The following SMYD3 variants were observed in gnomAD, a reference collection of about 807,000 sequenced individuals.
SMYD3 encodes SET and MYND domain containing 3.
Under a neutral mutation model 57.7 loss-of-function variants are expected in SMYD3, and 36 were observed. The observed-to-expected ratio is 0.62, with a 90% CI of 0.48 to 0.82. The LOEUF is 0.82. SMYD3 is among the 40% of genes least tolerant of loss of function. The pLI, the probability that SMYD3 is intolerant of heterozygous loss-of-function variation, is 0.00. For synonymous variants in SMYD3, 211 were observed against 195.0 expected (o/e 1.08, Z -0.68); for missense variants, 515 against 538.8 (o/e 0.96, Z 0.44).
intron 5 of SMYD3, among the ~76,000 whole-genome samples, chr1:246,239,145 C>T (rs556355141): frequency 4.8e-4 from 73 of 152,132 alleles, no homozygotes; most frequent in Non-Finnish European, 8.8e-4. Flanking sequence ...ATGTGCACAA[C>T]GTGCAGGTTT....
At chr1:246,117,333 A>G (rs967600466) in intron 5 of SMYD3, among the ~76,000 whole-genome samples, 5 of 152,188 alleles carry the variant, frequency 3.3e-5, no homozygotes, top group African/African-American at 4.8e-5. Flanking sequence ...GAAGGAACCA[A>G]CACAGATGTG....
At chr1:245,814,748 C>A (rs75089036) in intron 10 of SMYD3, among the ~76,000 whole-genome samples, 4,225 of 152,196 alleles carry the variant, frequency 0.028, 203 homozygotes, top group African/African-American at 0.095. Context: ...GAATTCCCAG[C>A]AGACCTGTTT....
intron 5 of SMYD3, among the ~76,000 whole-genome samples, chr1:246,016,380 C>T (rs1386897510): frequency 2.6e-5 from 4 of 151,998 alleles, no homozygotes; most frequent in Admixed American, 6.6e-5. Flanking sequence ...GTCAGGAGTT[C>T]AGGACCAGCT....
intron 10 of SMYD3, among the ~76,000 whole-genome samples, chr1:245,854,641 T>G (rs1178319138): frequency 6.6e-6 from 1 of 152,114 alleles, no homozygotes; most frequent in African/African-American, 2.4e-5. Context: ...GACCTTTGGC[T>G]TGGCTTCCCT....
chr1:246,411,229 C>T (rs1483745487), intron 1 of SMYD3, among the ~76,000 whole-genome samples: 1 of 152,144 alleles, frequency 6.6e-6, no homozygotes, highest in Non-Finnish European at 1.5e-5. Context: ...AAAAAATGCT[C>T]ATCATCACTG....
chr1:245,944,343 C>T (rs576602301), intron 5 of SMYD3, among the ~76,000 whole-genome samples: 3 of 152,212 alleles, frequency 2.0e-5, no homozygotes, highest in African/African-American at 7.2e-5. Flanking sequence ...CATTCCTATA[C>T]ACCAACAGAC....
At chr1:245,759,965 A>G (rs2045774977) in intron 11 of SMYD3, among the ~76,000 whole-genome samples, 1 of 152,230 alleles carries the variant, frequency 6.6e-6, no homozygotes, top group African/African-American at 2.4e-5. Flanking sequence ...AATTAGTAGC[A>G]AACAAAAGCC....
intron 8 of SMYD3, among the ~76,000 whole-genome samples, chr1:245,902,111 T>C (rs2054225927): frequency 6.6e-6 from 1 of 152,124 alleles, no homozygotes; most frequent in Non-Finnish European, 1.5e-5. Context: ...GGAATGCCAC[T>C]GATATTCCCC....
intron 5 of SMYD3, among the ~76,000 whole-genome samples, chr1:246,061,594 G>A (rs916951796): frequency 7.2e-5 from 11 of 151,920 alleles, no homozygotes; most frequent in African/African-American, 2.7e-4. Context: ...GCTAGTCATG[G>A]TAGTGCATGC....
intron 5 of SMYD3, among the ~76,000 whole-genome samples, chr1:246,283,223 C>T (rs1451824337): frequency 1.3e-5 from 2 of 152,234 alleles, no homozygotes; most frequent in Non-Finnish European, 2.9e-5. Context: ...TAATCTTGGG[C>T]ATGTCATCTA....
chr1:246,033,733 G>C (rs539630064), intron 5 of SMYD3, among the ~76,000 whole-genome samples: 2 of 152,250 alleles, frequency 1.3e-5, no homozygotes, highest in African/African-American at 4.8e-5. Context: ...GTTGCAGTGA[G>C]CCAAGATCAC....
At chr1:246,450,897 C>A (rs1308734082) in intron 1 of SMYD3, among the ~76,000 whole-genome samples, 5 of 151,892 alleles carry the variant, frequency 3.3e-5, no homozygotes, top group Admixed American at 3.3e-4. Context: ...TATAAGCAAA[C>A]AATTAGTGAC....
At chr1:246,485,615 C>T (rs191636578) in intron 1 of SMYD3, among the ~76,000 whole-genome samples, 2 of 151,608 alleles carry the variant, frequency 1.3e-5, no homozygotes, top group Admixed American at 6.6e-5. Context: ...GACCCCCCCC[C>T]ACATCTCTAC....
At chr1:246,413,462 T>A (rs763348638) in intron 1 of SMYD3, among the ~76,000 whole-genome samples, 2 of 152,290 alleles carry the variant, frequency 1.3e-5, no homozygotes, top group South Asian at 2.1e-4. Context: ...GATTTAACAA[T>A]AGCTATGTTC....
intron 1 of SMYD3, among the ~76,000 whole-genome samples, chr1:246,406,746 A>G (rs920392187): frequency 4.6e-5 from 7 of 152,218 alleles, no homozygotes; most frequent in Admixed American, 4.6e-4. Context: ...CATAGCTAGT[A>G]AGTGACAGTG....
intron 5 of SMYD3, among the ~76,000 whole-genome samples, chr1:245,941,522 TTTCG>T (rs1206909665): frequency 1.3e-5 from 2 of 152,090 alleles, no homozygotes; most frequent in African/African-American, 2.4e-5. Context: ...TCAACATTTT[TTTCG>T]TTTGTTTGTT....
chr1:246,220,090 A>T (rs1558325134), intron 5 of SMYD3, among the ~76,000 whole-genome samples: 1 of 152,146 alleles, frequency 6.6e-6, no homozygotes, highest in Non-Finnish European at 1.5e-5. Context: ...ATCTAAACGC[A>T]ATTTTTTGGC....
rs141777784 is a variant in SMYD3, at chr1:245,873,054, C to T, written c.814-9168G>A. Among the ~76,000 whole-genome samples, 359 of 152,304 alleles carry T rather than the reference C, an allele frequency of 2.4e-3. 2 individuals are homozygous for T. Among genetic ancestry groups the T allele is most frequent in the African/African-American group, 7.5e-3 (312 of 41,570 alleles). ...GGAGAGAATAAAAACAGCATCTACA[C>T]GTTGAGGGCAGTTTGAGAGCCTACC... is the stretch of plus-strand genomic sequence containing the variant. On this transcript the variant is annotated intron_variant, in intron 8 of 11. Transcript: ENST00000490107.
chr1:246,284,689 T>G (rs2064524423), intron 5 of SMYD3, among the ~76,000 whole-genome samples: 3 of 152,162 alleles, frequency 2.0e-5, no homozygotes, highest in African/African-American at 7.2e-5. Context: ...GTGCTGGGAT[T>G]ACAGGCATGA....
Sources: gnomAD v4.1 joint callset for allele counts (sites outside exome capture counted in the v4.1 genomes callset) on GRCh38, gnomAD v4.1.1 for gene constraint, MANE v1.5 for transcripts, NCBI Gene and HGNC (gene_info 2026-07-23, HGNC 2026-07-21) for gene names.